The following NEGR1 variants were observed in gnomAD, a reference collection of about 807,000 sequenced individuals.
NEGR1 encodes IgLON family member 4.
A neutral mutation model predicts 40.9 loss-of-function variants in NEGR1; 10 were observed. That is an observed-to-expected ratio of 0.24 (90% CI 0.15 to 0.42). The LOEUF (loss-of-function observed/expected upper bound fraction) is 0.42. Among genes scored for constraint, NEGR1 ranks in the 10% least tolerant of loss-of-function variants. The pLI, the probability that NEGR1 is intolerant of heterozygous loss-of-function variation, is 1.00. For missense variants in NEGR1, 352 were observed against 438.9 expected (o/e 0.80, Z 1.77); for synonymous variants, 185 against 166.8 (o/e 1.11, Z -0.84).
intron 3 of NEGR1, among the ~76,000 whole-genome samples, chr1:71,761,129 G>T (rs1406938155): frequency 2.0e-5 from 3 of 152,114 alleles, no homozygotes; most frequent in African/African-American, 7.2e-5. Flanking sequence ...ATCTCAGCTG[G>T]GAAACAAAAC....
At chr1:72,140,003 C>G (rs1318982847) in intron 1 of NEGR1, among the ~76,000 whole-genome samples, 1 of 151,932 alleles carries the variant, frequency 6.6e-6, no homozygotes, top group Non-Finnish European at 1.5e-5. Flanking sequence ...TTGCTCGTGC[C>G]TAGAATAATC....
At chr1:72,160,154 G>A (rs554795389) in intron 1 of NEGR1, among the ~76,000 whole-genome samples, 24 of 152,214 alleles carry the variant, frequency 1.6e-4, no homozygotes, top group Admixed American at 9.8e-4. Context: ...GCAGAACTGA[G>A]TGTGAAACTA....
intron 3 of NEGR1, among the ~76,000 whole-genome samples, chr1:71,731,933 T>C (rs1428545928): frequency 6.6e-6 from 1 of 152,222 alleles, no homozygotes; most frequent in Non-Finnish European, 1.5e-5. Flanking sequence ...ATTAGACTTC[T>C]ATTTGCATCC....
At chr1:71,546,178 C>T (rs1473353038) in intron 6 of NEGR1, among the ~76,000 whole-genome samples, 2 of 151,708 alleles carry the variant, frequency 1.3e-5, no homozygotes, top group East Asian at 3.9e-4. Context: ...TTTGATCCAA[C>T]CTTCTTTGAA....
intron 1 of NEGR1, among the ~76,000 whole-genome samples, chr1:72,273,901 T>C (rs1655944207): frequency 1.3e-5 from 2 of 151,622 alleles, no homozygotes; most frequent in Admixed American, 1.3e-4. Context: ...AATTCAAAAA[T>C]TAGTAGATAT....
chr1:72,234,183 C>G (rs188103746), intron 1 of NEGR1, among the ~76,000 whole-genome samples: 6 of 152,100 alleles, frequency 3.9e-5, no homozygotes, highest in African/African-American at 1.4e-4. Context: ...CTCCTCCATG[C>G]GTTCATGTAT....
rs191925675 is a variant in NEGR1, at chr1:71,852,756, G to C, written c.410-76459C>G. The stretch of plus-strand genomic sequence containing the variant: ...AGGTTTTTAGTAATACAGATGAGAG[G>C]TAAGTAGGTTTGAAGTTAATGCAGA... On this transcript the variant is annotated intron_variant, in intron 2 of 6. Coordinates refer to ENST00000357731, the MANE Select transcript of NEGR1 (RefSeq NM_173808.3). Among the ~76,000 whole-genome samples the C allele has an allele frequency of 2.3e-3, 352 of 151,474 alleles. 1 individual carries two copies. The highest frequency in any genetic ancestry group is 8.4e-3 in the African/African-American group (345 of 41,296).
chr1:71,822,496 C>T (rs907622435), intron 2 of NEGR1, among the ~76,000 whole-genome samples: 8 of 152,014 alleles, frequency 5.3e-5, no homozygotes, highest in South Asian at 2.1e-4. Flanking sequence ...ATGGGTCCAA[C>T]GGCATCAGCT....
intron 6 of NEGR1, among the ~76,000 whole-genome samples, chr1:71,547,856 G>C (rs1210770765): frequency 6.6e-6 from 1 of 151,712 alleles, no homozygotes; most frequent in Non-Finnish European, 1.5e-5. Flanking sequence ...AGAGGTGCTG[G>C]TATACAACTT....
intron 1 of NEGR1, among the ~76,000 whole-genome samples, chr1:72,160,883 C>A (rs1651531267): frequency 6.6e-6 from 1 of 152,028 alleles, no homozygotes; most frequent in South Asian, 2.1e-4. Flanking sequence ...GTTGTCAATC[C>A]TTTGGTTCTT....
At chr1:71,950,524 C>A (rs17091969) in intron 1 of NEGR1, among the ~76,000 whole-genome samples, 2 of 151,814 alleles carry the variant, frequency 1.3e-5, no homozygotes, top group Admixed American at 6.6e-5. Flanking sequence ...TAAAGAACTC[C>A]TTACTGCTTT....
At chr1:71,783,840 GTCCATCCATCCATCCA>G (rs376448737) in intron 2 of NEGR1, among the ~76,000 whole-genome samples, 4 of 133,612 alleles carry the variant, frequency 3.0e-5, no homozygotes, top group Admixed American at 8.3e-5. Flanking sequence ...CCATCCACCC[GTCCATCCATCCATCCA>G]TCCATCCATC....
intron 5 of NEGR1, among the ~76,000 whole-genome samples, chr1:71,599,512 G>T (rs1458053507): frequency 1.3e-5 from 2 of 152,304 alleles, no homozygotes; most frequent in African/African-American, 4.8e-5. Context: ...TGAATATGCT[G>T]CTATGGCAAC....
intron 1 of NEGR1, among the ~76,000 whole-genome samples, chr1:72,181,014 G>A (rs530518526): frequency 5.3e-5 from 8 of 152,236 alleles, no homozygotes; most frequent in East Asian, 3.9e-4. Context: ...ATCAACCGGC[G>A]AAATGATGGT....
intron 1 of NEGR1, among the ~76,000 whole-genome samples, chr1:72,107,421 C>CT (rs2100259609): frequency 6.6e-6 from 1 of 151,398 alleles, no homozygotes; most frequent in South Asian, 2.1e-4. Flanking sequence ...TTTTCAGAAA[C>CT]TTTTTACATT....
At chr1:72,018,045 G>C (rs1033368136) in intron 1 of NEGR1, among the ~76,000 whole-genome samples, 2 of 151,982 alleles carry the variant, frequency 1.3e-5, no homozygotes, top group African/African-American at 4.8e-5. Context: ...ATTTTATCTG[G>C]CTCATTGAAG....
At chr1:71,440,335 C>A (rs1448865181) in intron 6 of NEGR1, among the ~76,000 whole-genome samples, 1 of 152,176 alleles carries the variant, frequency 6.6e-6, no homozygotes, top group African/African-American at 2.4e-5. Context: ...AATCTGCATT[C>A]ATTGCCAACA....
chr1:72,192,700 T>C (rs1285122207), intron 1 of NEGR1, among the ~76,000 whole-genome samples: 1 of 151,886 alleles, frequency 6.6e-6, no homozygotes, highest in Non-Finnish European at 1.5e-5. Context: ...TTATATCAAA[T>C]TGCATATTGC....
At chr1:71,984,053 C>T (rs1646375640) in intron 1 of NEGR1, among the ~76,000 whole-genome samples, 1 of 145,862 alleles carries the variant, frequency 6.9e-6, no homozygotes, top group African/African-American at 2.5e-5. Context: ...TCCATTTTAC[C>T]ATGTAAAGCT....
Sources: gnomAD v4.1 joint callset for allele counts (sites outside exome capture counted in the v4.1 genomes callset) on GRCh38, gnomAD v4.1.1 for gene constraint, MANE v1.5 for transcripts, NCBI Gene and HGNC (gene_info 2026-07-23, HGNC 2026-07-21) for gene names.